Variants in EVC2 observed in about 807,000 individuals in gnomAD.
EVC2 encodes the protein limbin.
A neutral mutation model predicts 149.3 loss-of-function variants in EVC2; 148 were observed. The ratio of observed to expected loss-of-function variants is 0.99; its 90% CI spans 0.87 to 1.14. EVC2 has a LOEUF of 1.14. Ranked by LOEUF, EVC2 falls within the 50% of genes most tolerant of loss-of-function variation. EVC2 has a pLI of 0.00. For synonymous variants in EVC2, 776 were observed against 649.9 expected, an observed-to-expected ratio of 1.19 and a Z score of -2.95; for missense variants, 1,854 against 1,627.3, an observed-to-expected ratio of 1.14 and a Z score of -2.40.
intron 15 of EVC2, among the ~76,000 whole-genome samples, chr4:5,615,850 C>T (rs564536366): frequency 4.6e-5 from 7 of 152,326 alleles, no homozygotes; most frequent in South Asian, 2.1e-4. Flanking sequence ...TAACTAGCCA[C>T]GGGACCTCAG....
At chr4:5,611,995 T>G (rs921886077) in intron 16 of EVC2, among the ~76,000 whole-genome samples, 13 of 152,204 alleles carry the variant, frequency 8.5e-5, no homozygotes, top group Admixed American at 7.9e-4. Flanking sequence ...TGATCTTCCT[T>G]ACAGATTAAC....
At chr4:5,706,153 C>T (rs1185218355) in intron 1 of EVC2, among the ~76,000 whole-genome samples, 1 of 151,848 alleles carries the variant, frequency 6.6e-6, no homozygotes, top group African/African-American at 2.4e-5. Context: ...CTTGACTGAC[C>T]TTCCAGACTA....
intron 16 of EVC2, among the ~76,000 whole-genome samples, chr4:5,592,702 T>C (rs1050123206): frequency 3.9e-5 from 6 of 152,164 alleles, no homozygotes; most frequent in African/African-American, 1.4e-4. Context: ...AACTAGTATA[T>C]CATCTTCTAG....
At chr4:5,687,888 G>A (rs563443590) in intron 5 of EVC2, among the ~76,000 whole-genome samples, 6 of 152,186 alleles carry the variant, frequency 3.9e-5, no homozygotes, top group Admixed American at 6.5e-5. Context: ...CTATCTCTAC[G>A]ACTCCACAAT....
chr4:5,684,469 T>C (rs1720557159), intron 6 of EVC2, among the ~76,000 whole-genome samples: 1 of 152,104 alleles, frequency 6.6e-6, no homozygotes, highest in African/African-American at 2.4e-5. Context: ...TGTCCGTGAA[T>C]AGGGAAGACT....
rs933583296 is a variant in EVC2, at chr4:5,637,242, T to C, written c.1470+3272A>G. ...GCAAAGCCACTAGAAACATTCTAGG[T>C]GCCCCACAGGACGGGTTCACATGGG... On this transcript the variant is annotated intron_variant, in intron 10 of 21. Coordinates refer to ENST00000344408, the MANE Select transcript of EVC2 (RefSeq NM_147127.5). This position sits in a 1 kb window ranked among gnomAD's most constrained non-coding sequence, Gnocchi z 4.4. Among the ~76,000 whole-genome samples the C allele has an allele frequency of 1.3e-5, 2 of 152,194 alleles. No individual in the cohort carries two copies. The highest frequency in any genetic ancestry group is 2.9e-5 in the Non-Finnish European group (2 of 68,040).
chr4:5,598,105 G>A (rs1399138572), intron 16 of EVC2, among the ~76,000 whole-genome samples: 1 of 149,688 alleles, frequency 6.7e-6, no homozygotes, highest in Admixed American at 6.6e-5. Flanking sequence ...CATGCTCATG[G>A]GTAGGAAGAA....
At chr4:5,545,414 T>TA (rs1560115936) in intron 21 of EVC2, among the ~76,000 whole-genome samples, 1 of 152,188 alleles carries the variant, frequency 6.6e-6, no homozygotes, top group Admixed American at 6.5e-5. Context: ...CTGAGGGAAT[T>TA]ACTCATCTGA....
chr4:5,594,165 G>A (rs1326917226), intron 16 of EVC2, among the ~76,000 whole-genome samples: 3 of 152,134 alleles, frequency 2.0e-5, no homozygotes, highest in Non-Finnish European at 4.4e-5. Context: ...CAAAAAGACA[G>A]CAGTAACCTC....
At position 5,565,264 on chromosome 4, in the gene EVC2, T is replaced by C. The variant is rs1722201411; in HGVS notation, c.3653A>G (p.Lys1218Arg). 1 of 1,613,892 alleles carries C rather than the reference T, an allele frequency of 6.2e-7. No homozygotes were observed. The highest frequency in any genetic ancestry group is 8.5e-7 in the Non-Finnish European group (1 of 1,179,920). ...AGCAGGTGCCCATCATTACCTCTGC[T>C]TTCTCTTGCGGGCCCACAGCATCTT... ...LEKMLWARKRKQSILKKTCLP... is the reference protein window; with the variant it reads ...LEKMLWARKRRQSILKKTCLP... Residue 1218 changes from lysine to arginine, a missense_variant, in exon 21 of 22, where the codon AAG becomes AGG. Transcript: ENST00000344408.
rs116811773 is a variant in EVC2, at chr4:5,666,542, T to A, written c.871-893A>T. 7.8e-3 allele frequency among the ~76,000 whole-genome samples: 1,191 copies of A among 152,326 alleles called. 8 individuals carry two copies. The highest frequency in any genetic ancestry group is 0.031 in the Middle Eastern group (9 of 294). On this transcript the variant is annotated intron_variant, in intron 7 of 21. Coordinates refer to ENST00000344408, the MANE Select transcript of EVC2 (RefSeq NM_147127.5). ...AGTTTTTCATGGCCTATCTTTTTTC[T>A]TCCTAGCATACACCCATGTTCTTAA...
chr4:5,693,271 T>C (rs1428612907), intron 3 of EVC2, among the ~76,000 whole-genome samples: 1 of 152,228 alleles, frequency 6.6e-6, no homozygotes, highest in East Asian at 1.9e-4. Context: ...GATATGTCTG[T>C]GTTCTGATCC....
At chr4:5,544,249 G>GAA (rs565649059) in intron 21 of EVC2, among the ~76,000 whole-genome samples, 2 of 139,266 alleles carry the variant, frequency 1.4e-5, no homozygotes, top group African/African-American at 5.2e-5. Flanking sequence ...AGTTGTTATG[G>GAA]AAAAAAAAAA....
At chr4:5,638,864 A>G (rs949788481) in intron 10 of EVC2, among the ~76,000 whole-genome samples, 1 of 152,186 alleles carries the variant, frequency 6.6e-6, no homozygotes, top group Non-Finnish European at 1.5e-5. Flanking sequence ...AAGCTGAACC[A>G]AACATGGAAG....
chr4:5,631,975 A>C lies in EVC2; in HGVS notation c.1528T>G (p.Leu510Val), dbSNP rs1391810700. Residue 510 changes from leucine (L) to valine (V), a missense_variant, in exon 11 of 22, where the codon TTG (leucine) becomes GTG (valine). Transcript: ENST00000344408. The stretch of plus-strand genomic sequence containing the variant: ...TGTTGCAAAGCGAGAGACTTCCTCA[A>C]GTGCTCCTGTTCCAGGCCATGGAGG... Reference protein sequence around the residue: ...RTLHGLEQEHLRKSLALQQEE... With the variant: ...RTLHGLEQEHVRKSLALQQEE... The C allele has an allele frequency of 6.2e-7, 1 of 1,614,230 alleles. No individual in the cohort carries two copies. The highest frequency in any genetic ancestry group is 8.5e-7 in the Non-Finnish European group (1 of 1,180,048).
chr4:5,580,666 G>C (rs926530381), intron 17 of EVC2, among the ~76,000 whole-genome samples: 4 of 152,184 alleles, frequency 2.6e-5, no homozygotes, highest in Non-Finnish European at 4.4e-5. Context: ...GCAGTGATCC[G>C]CCTCCACGCT....
rs1722496602 is a variant in EVC2 at position 5,569,155 on chromosome 4, C to T, written c.3361-515G>A. 6.6e-6 allele frequency among the ~76,000 whole-genome samples: 1 copy of T among 152,172 alleles called. No homozygotes were observed. Among genetic ancestry groups the T allele is most frequent in the South Asian group, 2.1e-4 (1 of 4,824 alleles). ...GGAAACAGCCAGTCTCCAAAGGTCA[C>T]GTGCTGCGTGATTCCATGCATGTAA... On this transcript the variant is annotated intron_variant, in intron 19 of 21. Coordinates refer to ENST00000344408, the MANE Select transcript of EVC2 (RefSeq NM_147127.5). The surrounding 1 kb of genome is among the most constrained non-coding windows in gnomAD (Gnocchi z 4.8).
the EVC2 span, among the ~76,000 whole-genome samples, chr4:5,529,675 TC>T: frequency 6.6e-6 from 1 of 152,198 alleles, no homozygotes; most frequent in Non-Finnish European, 1.5e-5. The surrounding 1 kb of genome is among the most constrained non-coding windows in gnomAD (Gnocchi z 4.5). Context: ...TTAGGAATGT[TC>T]CCATGTGGCT....
intron 21 of EVC2, among the ~76,000 whole-genome samples, chr4:5,544,526 G>T (rs1432024332): frequency 1.3e-5 from 2 of 152,190 alleles, no homozygotes; most frequent in African/African-American, 4.8e-5. Context: ...AGGAGTCAGA[G>T]AGCTGAGAGT....
Sources: gnomAD v4.1 joint callset for allele counts (sites outside exome capture counted in the v4.1 genomes callset) on GRCh38, gnomAD v4.1.1 for gene constraint, Gnocchi (gnomAD v3.1) non-coding constraint, MANE v1.5 for transcripts, NCBI Gene and HGNC (gene_info 2026-07-23, HGNC 2026-07-21) for gene names.